KIF17: variants seen among roughly 807,000 people sequenced by gnomAD.
KIF17 encodes the protein kinesin-like protein KIF17.
Under a neutral mutation model 96.8 loss-of-function variants are expected in KIF17, and 80 were observed. The ratio of observed to expected loss-of-function variants is 0.83; its 90% CI spans 0.69 to 1.00. KIF17 has a LOEUF of 1.00. Ranked by LOEUF, KIF17 falls within the 50% of genes least tolerant of loss-of-function variation. KIF17 has a pLI of 0.00. For synonymous variants in KIF17, 567 were observed against 587.5 expected (o/e 0.97, Z 0.51); for missense variants, 1,280 against 1,372.9 (o/e 0.93, Z 1.07).
Position 20,717,525 on chromosome 1 carries a change from TC to T in KIF17, c.181del (p.Asp61ThrfsTer101), listed in dbSNP as rs2054601180. 3 of 1,611,792 alleles carry T rather than the reference TC, an allele frequency of 1.9e-6. No individual in the cohort carries two copies. The highest frequency in any genetic ancestry group is 2.5e-6 in the Non-Finnish European group (3 of 1,179,660). ...QFTFDGAYHVDHVTEQIYNEI... is the reference protein window; with the variant it reads ...QFTFDGAYHVXHVTEQIYNEI... The stretch of plus-strand genomic sequence containing the variant: ...GTTGTAGATCTGCTCGGTGACGTGG[TC>T]CACGTGGTAGGCGCCGTCGAAGGTG... On this transcript the variant is annotated frameshift_variant, in exon 1 of 15. Coordinates refer to ENST00000400463, the MANE Select transcript of KIF17 (RefSeq NM_001122819.3). LOFTEE classifies it high-confidence loss of function.
In KIF17 at chr1:20,713,570, C is replaced by T; in HGVS notation, c.379-15G>A. 1 of 1,595,570 alleles carries T rather than the reference C, an allele frequency of 6.3e-7. No homozygotes were observed. ...TTCTCTGCACACTGCAGGGAGTACA[C>T]AGAAAGAACCTAGACCTCAGAGCTC... is the stretch of plus-strand genomic sequence containing the variant. On this transcript the variant is annotated splice_polypyrimidine_tract_variant and intron_variant, in intron 2 of 14. Transcript: ENST00000400463.
intron 7 of KIF17, among the ~76,000 whole-genome samples, chr1:20,689,587 G>A (rs1355153269): frequency 6.6e-6 from 1 of 152,092 alleles, no homozygotes; most frequent in Non-Finnish European, 1.5e-5. Context: ...GGATGGGGAG[G>A]TTGCAGTAAG....
At position 20,703,159 on chromosome 1, in the gene KIF17, G is replaced by GGA. The variant is rs1462210774; in HGVS notation, c.1123+1286_1123+1287dup. Among the ~76,000 whole-genome samples the GGA allele has an allele frequency of 9.0e-3, 1,079 of 119,968 alleles. 10 individuals are homozygous for GGA. The highest frequency in any genetic ancestry group is 0.014 in the Non-Finnish European group (835 of 58,108). The allele number at this position is 119,968 out of a possible 152,430, so 78.7% of individuals were successfully genotyped here. ...TGGGTAGGTGGGTAGATAGAAGGAA[G>GGA]GATGGAGATGGATGGATGAATGGAT... On this transcript the variant is annotated intron_variant, in intron 5 of 14. Transcript: ENST00000400463.
At position 20,675,373 on chromosome 1, in the gene KIF17, C is replaced by T. The variant is rs566015645; in HGVS notation, c.2464-3177G>A. On this transcript the variant is annotated intron_variant, in intron 11 of 14. Transcript: ENST00000400463. ...TGAAGCAGGAGAATGGCGTGAACCC[C>T]GGAGGCGGAGCTTGCAGTGAGCTGA... 9.9e-5 allele frequency among the ~76,000 whole-genome samples: 14 copies of T among 141,962 alleles called. No homozygotes were observed. The South Asian group carries it at 1.4e-3, about 14-fold the overall frequency. 93.1% of individuals were successfully genotyped at this position (141,962 alleles called of 152,430 possible).
At chr1:20,682,204 C>G (rs117284409) in intron 11 of KIF17, among the ~76,000 whole-genome samples, 1 of 152,202 alleles carries the variant, frequency 6.6e-6, no homozygotes, top group East Asian at 1.9e-4. Context: ...CGTGCACACA[C>G]ACAACACACA....
At chr1:20,670,173 T>C (rs1340504585) in intron 13 of KIF17, among the ~76,000 whole-genome samples, 3 of 152,108 alleles carry the variant, frequency 2.0e-5, no homozygotes, top group African/African-American at 7.2e-5. Context: ...ACCGGCAAGA[T>C]GGGCCACCGA....
rs751036621 is a variant in KIF17, at chr1:20,685,224, G to A, written c.2020-204C>T. The stretch of plus-strand genomic sequence containing the variant: ...ATTCCCACTGACACCCCCACGCTAG[G>A]AGGAAGGCTCCCAGCTTCCTCTCTC... On this transcript the variant is annotated intron_variant, in intron 9 of 14. Transcript: ENST00000400463. The surrounding 1 kb of genome is among the most constrained non-coding windows in gnomAD (Gnocchi z 4.1). 5.2e-5 allele frequency: 36 copies of A among 696,630 alleles called. 1 individual carries two copies. Among genetic ancestry groups the A allele is most frequent in the South Asian group, 4.8e-4 (32 of 66,696 alleles). The allele number at this position is 696,630 out of a possible 1,614,324, so 43.2% of individuals were successfully genotyped here.
chr1:20,676,723 T>C (rs2053743956), intron 11 of KIF17, among the ~76,000 whole-genome samples: 1 of 151,346 alleles, frequency 6.6e-6, no homozygotes, highest in Non-Finnish European at 1.5e-5. Flanking sequence ...GCCAGCTACT[T>C]GGGAGGCTGA....
At chr1:20,698,293 C>A in intron 6 of KIF17, 86 bp downstream of exon 6, 3 of 887,076 alleles carry the variant, frequency 3.4e-6, no homozygotes, top group Non-Finnish European at 5.7e-6. Context: ...GGTGATATCG[C>A]GTTGGACCCC....
chr1:20,683,294 A>G (rs2053866011), intron 10 of KIF17, among the ~76,000 whole-genome samples: 1 of 152,246 alleles, frequency 6.6e-6, no homozygotes, highest in Non-Finnish European at 1.5e-5. Context: ...AGGGACATGC[A>G]CAATACATTG....
intron 11 of KIF17, among the ~76,000 whole-genome samples, chr1:20,673,255 A>G (rs1361434506): frequency 6.6e-6 from 1 of 152,096 alleles, no homozygotes; most frequent in Non-Finnish European, 1.5e-5. Context: ...AAATAAAAGA[A>G]GGATGTTTGA....
chr1:20,701,916 A>T (rs1427890793), intron 5 of KIF17, among the ~76,000 whole-genome samples: 1 of 152,146 alleles, frequency 6.6e-6, no homozygotes, highest in Non-Finnish European at 1.5e-5. Flanking sequence ...GTTGAAAGGG[A>T]AAAAGAGGGA....
intron 6 of KIF17, chr1:20,693,297 T>G (rs1219199462): frequency 1.3e-5 from 2 of 148,590 alleles, no homozygotes; most frequent in African/African-American, 5.0e-5. Flanking sequence ...CAGGCTGGAG[T>G]GCAGTGACGC....
At chr1:20,673,079 T>G (rs2053676074) in intron 11 of KIF17, 1 of 151,928 alleles carries the variant, frequency 6.6e-6, no homozygotes. Flanking sequence ...ACAAAAAAAT[T>G]AGCCAGGTCT....
rs991945133 is a variant in KIF17 at position 20,709,438 on chromosome 1, C to A, written c.670+201G>T. ...CACAGTGAGCGCTCAATGTTGGCTC[C>A]CAGTGTTACTGTGTTTGCTGCTGTT... On this transcript the variant is annotated intron_variant, in intron 4 of 14. Transcript: ENST00000400463. This position sits in a 1 kb window ranked among gnomAD's most constrained non-coding sequence, Gnocchi z 4.7. Among the ~76,000 whole-genome samples, 1 of 152,112 alleles carries A rather than the reference C, an allele frequency of 6.6e-6. No individual in the cohort carries two copies. The highest frequency in any genetic ancestry group is 1.5e-5 in the Non-Finnish European group (1 of 68,016).
intron 5 of KIF17, among the ~76,000 whole-genome samples, chr1:20,702,596 T>C (rs1159675574): frequency 6.6e-6 from 1 of 152,138 alleles, no homozygotes; most frequent in Non-Finnish European, 1.5e-5. Flanking sequence ...CCACCTCCCA[T>C]CACCCCTATG....
rs1406026608 is a variant in KIF17 at position 20,686,064 on chromosome 1, A to T, written c.2001T>A (p.Asp667Glu). Residue 667 changes from aspartate to glutamate, a missense_variant, in exon 9 of 15, where the codon GAT (aspartate) becomes GAA (glutamate). Transcript: ENST00000400463. ...SDARPEAEAA[D>E]DFPPRPEVDL... is the part of the protein sequence containing the mutation. ...TACTCACAGGCCTGGGCGGGAAGTCATCAGCCGCCTCGGCTTCGGGCCTGG... is the reference window on the plus strand; with the variant it reads ...TACTCACAGGCCTGGGCGGGAAGTCTTCAGCCGCCTCGGCTTCGGGCCTGG... The T allele has an allele frequency of 3.2e-6, 5 of 1,558,796 alleles. No homozygotes were observed. The East Asian group carries it at 7.2e-5, about 22-fold the overall frequency.
At chr1:20,707,692 C>T (rs1476244989) in intron 4 of KIF17, among the ~76,000 whole-genome samples, 1 of 150,476 alleles carries the variant, frequency 6.6e-6, no homozygotes, top group Non-Finnish European at 1.5e-5. Flanking sequence ...ATTGGTTGAG[C>T]CTGGGAGACC....
At chr1:20,668,413 T>C (rs574466715) in intron 13 of KIF17, among the ~76,000 whole-genome samples, 2 of 152,262 alleles carry the variant, frequency 1.3e-5, no homozygotes, top group Admixed American at 6.5e-5. Flanking sequence ...AAAAAATTCC[T>C]TATTTTTCTT....
Sources: gnomAD v4.1 joint callset for allele counts (sites outside exome capture counted in the v4.1 genomes callset) on GRCh38, gnomAD v4.1.1 for gene constraint, Gnocchi (gnomAD v3.1) non-coding constraint, MANE v1.5 for transcripts, NCBI Gene and HGNC (gene_info 2026-07-23, HGNC 2026-07-21) for gene names.